COL27A1: variants seen among roughly 807,000 people sequenced by gnomAD.
COL27A1 encodes the protein collagen alpha-1(XXVII) chain.
A neutral mutation model predicts 251.3 loss-of-function variants in COL27A1; 106 were observed. The ratio of observed to expected loss-of-function variants is 0.42; its 90% CI spans 0.36 to 0.50. The LOEUF (loss-of-function observed/expected upper bound fraction) is 0.50, where lower values mean the gene tolerates loss of function less well. Among genes scored for constraint, COL27A1 ranks in the 20% least tolerant of loss-of-function variants. The probability of loss-of-function intolerance (pLI) is 0.00; values close to 1 mark genes in which losing one functional copy is unlikely to be tolerated. For synonymous variants in COL27A1, 1,000 were observed against 986.3 expected, an observed-to-expected ratio of 1.01 and a Z score of -0.26; for missense variants, 2,325 against 2,522.8, an observed-to-expected ratio of 0.92 and a Z score of 1.68.
intron 32 of COL27A1, among the ~76,000 whole-genome samples, chr9:114,265,705 C>T (rs1485883524): frequency 6.6e-6 from 1 of 152,224 alleles, no homozygotes; most frequent in Non-Finnish European, 1.5e-5. Flanking sequence ...GGGTGATTGT[C>T]TCTGCCTTGC....
intron 12 of COL27A1, among the ~76,000 whole-genome samples, chr9:114,216,381 G>A (rs762037720): frequency 2.0e-5 from 3 of 152,252 alleles, no homozygotes; most frequent in East Asian, 1.9e-4. Flanking sequence ...CCATGTGGTC[G>A]CCTTACACAT....
intron 27 of COL27A1, among the ~76,000 whole-genome samples, chr9:114,257,496 C>G (rs999870333): frequency 6.6e-6 from 1 of 152,158 alleles, no homozygotes; most frequent in African/African-American, 2.4e-5. Flanking sequence ...GAGTGTCTGT[C>G]GTGCACCTGT....
intron 27 of COL27A1, 63 bp downstream of exon 27, chr9:114,252,995 G>A: frequency 7.3e-7 from 1 of 1,370,314 alleles, no homozygotes; most frequent in South Asian, 1.3e-5. Context: ...AGGTGGCTGG[G>A]TGTGGTGGCT....
At chr9:114,187,782 C>T (rs762522548) in intron 5 of COL27A1, among the ~76,000 whole-genome samples, 3 of 152,186 alleles carry the variant, frequency 2.0e-5, no homozygotes, top group East Asian at 1.9e-4. Context: ...ATATCCCATG[C>T]TTTATATAAC....
intron 5 of COL27A1, among the ~76,000 whole-genome samples, chr9:114,188,194 A>C (rs912638731): frequency 6.6e-6 from 1 of 152,246 alleles, no homozygotes; most frequent in Admixed American, 6.5e-5. Context: ...ATTTATGCCC[A>C]CCTTTAATTA....
Position 114,195,966 on chromosome 9 carries a change from T to G in COL27A1, c.2078T>G (p.Met693Arg). Residue 693 changes from methionine to arginine, a missense_variant, in exon 7 of 61, where the codon ATG becomes AGG. By Grantham distance (91) the Met-to-Arg change is moderately conservative. Around this residue, in one of 4 missense-constraint regions of COL27A1, gnomAD observed 1,183 missense variants for 1,144.1 expected, o/e 1.03. Transcript: ENST00000356083. ...CTTGTCTGTGTCTTCCAGGGTGACA[T>G]GGGCTTGCCTGGGCTCTCCGGGAAT... The part of the protein sequence containing the change: ...GKAHDGAKGD[M>R]GLPGLSGNPG... 1 of 1,613,690 alleles carries G rather than the reference T, an allele frequency of 6.2e-7. No individual in the cohort carries two copies. The highest frequency in any genetic ancestry group is 8.5e-7 in the Non-Finnish European group (1 of 1,179,584).
At chr9:114,192,674 C>A (rs939347300) in intron 5 of COL27A1, among the ~76,000 whole-genome samples, 1 of 152,202 alleles carries the variant, frequency 6.6e-6, no homozygotes, top group Non-Finnish European at 1.5e-5. Context: ...GGGACTTGGC[C>A]TTCTCTGAAC....
intron 25 of COL27A1, among the ~76,000 whole-genome samples, chr9:114,251,602 T>C (rs1272122367): frequency 6.6e-6 from 1 of 152,234 alleles, no homozygotes; most frequent in East Asian, 1.9e-4. Flanking sequence ...TACATAATGA[T>C]AGCACAACAT....
intron 10 of COL27A1, among the ~76,000 whole-genome samples, 176 bp downstream of exon 10, chr9:114,206,472 A>G (rs1299379223): frequency 6.6e-6 from 1 of 152,220 alleles, no homozygotes; most frequent in African/African-American, 2.4e-5. Flanking sequence ...CCCTTGAGCC[A>G]GGTAAACTGC....
chr9:114,222,236 T>G lies in COL27A1; in HGVS notation c.2435T>G (p.Leu812Arg), dbSNP rs370987097. The change falls in exon 14 of 61, where the codon CTG becomes CGG. Residue 812 changes from leucine (L) to arginine (R), a missense_variant. Physicochemically the swap from Leu to Arg is moderately radical, Grantham distance 102. This residue lies in a region of COL27A1 where 1,183 missense variants were observed against 1,144.1 expected (regional missense o/e 1.03). Transcript: ENST00000356083. ...GLDGNPGELG[L>R]PGPPGVPGLI... ...CTCTATCTGCAGGGAGAACTGGGCC[T>G]GCCAGGCCCCCCTGGAGTCCCCGGC... The G allele has an allele frequency of 6.2e-6, 10 of 1,613,686 alleles. No homozygotes were observed. Among genetic ancestry groups the G allele is most frequent in the Non-Finnish European group, 8.5e-6 (10 of 1,179,724 alleles).
intron 24 of COL27A1, chr9:114,246,111 G>T: frequency 1.9e-6 from 1 of 525,396 alleles, no homozygotes; most frequent in Non-Finnish European, 3.3e-6. Context: ...GAAAGCTGTG[G>T]ATCATAGTCA....
intron 3 of COL27A1, among the ~76,000 whole-genome samples, chr9:114,176,642 G>A (rs1827470375): frequency 6.6e-6 from 1 of 152,054 alleles, no homozygotes; most frequent in Non-Finnish European, 1.5e-5. Context: ...GGCACCCAGA[G>A]TCCAGAACCC....
chr9:114,205,646 C>A (rs974769597), intron 8 of COL27A1, 113 bp from the exon 9 acceptor site: 1 of 988,516 alleles, frequency 1.0e-6, no homozygotes, highest in South Asian at 1.3e-5. Flanking sequence ...TGTTCCATCT[C>A]ACATTCCTGC....
At chr9:114,305,303 G>C (rs1828426646) in intron 57 of COL27A1, among the ~76,000 whole-genome samples, 1 of 152,224 alleles carries the variant, frequency 6.6e-6, no homozygotes, top group African/African-American at 2.4e-5. Flanking sequence ...AGGGCTCACA[G>C]TCTAGGGTGG....
At position 114,197,051 on chromosome 9, in the gene COL27A1, G is replaced by A. The variant is rs534367757; in HGVS notation, c.2124+1039G>A. Among the ~76,000 whole-genome samples the A allele has an allele frequency of 7.2e-5, 11 of 152,320 alleles. No individual in the cohort carries two copies. In the South Asian group the frequency reaches 2.3e-3, roughly 32 times the overall value. ...CTACTGAGCCTAGCATGAAGCCTGTGCATAGCAGGTGTTCAGGAAATGGGG... is the reference window on the plus strand; with the variant it reads ...CTACTGAGCCTAGCATGAAGCCTGTACATAGCAGGTGTTCAGGAAATGGGG... On this transcript the variant is annotated intron_variant, in intron 7 of 60. Transcript: ENST00000356083.
At chr9:114,310,514 T>C (rs893900297) in intron 60 of COL27A1, 35 bp from the exon 61 acceptor site, 2 of 1,612,066 alleles carry the variant, frequency 1.2e-6, no homozygotes, top group Non-Finnish European at 1.7e-6. Context: ...AGAATCACGA[T>C]GGATGTACGT....
At chr9:114,158,385 G>A (rs1050198940) in intron 1 of COL27A1, among the ~76,000 whole-genome samples, 1 of 152,220 alleles carries the variant, frequency 6.6e-6, no homozygotes, top group Non-Finnish European at 1.5e-5. Context: ...GGTTACCCAG[G>A]AGTAGCCCCA....
At chr9:114,221,631 G>C (rs973099191) in intron 13 of COL27A1, among the ~76,000 whole-genome samples, 6 of 152,184 alleles carry the variant, frequency 3.9e-5, no homozygotes, top group African/African-American at 1.4e-4. Flanking sequence ...CTGAGGTATA[G>C]GGGGATAAAT....
chr9:114,212,326 T>C (rs10119723), intron 12 of COL27A1, among the ~76,000 whole-genome samples: 2,024 of 152,330 alleles, frequency 0.013, 48 homozygotes, highest in African/African-American at 0.045. Context: ...CAAGGAGATT[T>C]GTTCATCCAG....
Sources: gnomAD v4.1 joint callset for allele counts (sites outside exome capture counted in the v4.1 genomes callset) on GRCh38, gnomAD v4.1.1 for gene constraint, gnomAD v4.1.1 regional missense constraint, MANE v1.5 for transcripts, NCBI Gene and HGNC (gene_info 2026-07-23, HGNC 2026-07-21) for gene names.